CD6: variants seen among roughly 807,000 people sequenced by gnomAD.
CD6 encodes CD6 molecule, also known as T-cell differentiation antigen CD6.
Under a neutral mutation model 75.3 loss-of-function variants are expected in CD6, and 53 were observed. That is an observed-to-expected ratio of 0.70 (90% CI 0.56 to 0.88). The LOEUF (loss-of-function observed/expected upper bound fraction) is 0.88. CD6 is among the 40% of genes least tolerant of loss of function. The probability of loss-of-function intolerance (pLI) is 0.00; values close to 1 mark genes in which losing one functional copy is unlikely to be tolerated. For synonymous variants in CD6, 359 were observed against 381.5 expected, an observed-to-expected ratio of 0.94 and a Z score of 0.69; for missense variants, 770 against 897.1, an observed-to-expected ratio of 0.86 and a Z score of 1.81.
intron 9 of CD6, 74 bp from the exon 10 acceptor site, chr11:61,017,405 T>C (rs1590730427): frequency 8.1e-7 from 1 of 1,229,958 alleles, no homozygotes; most frequent in East Asian, 2.5e-5. Context: ...CCCCGGGAAA[T>C]CCAGCCTCTT....
chr11:61,008,606 A>G lies in CD6; in HGVS notation c.542A>G (p.Glu181Gly). 1 of 1,607,888 alleles carries G rather than the reference A, an allele frequency of 6.2e-7. No homozygotes were observed. The highest frequency in any genetic ancestry group is 8.5e-7 in the Non-Finnish European group (1 of 1,177,662). The change falls in exon 4 of 13, where the codon GAG becomes GGG. Residue 181 changes from glutamate (E) to glycine (G), a missense_variant. Coordinates refer to ENST00000313421, the MANE Select transcript of CD6 (RefSeq NM_006725.5). ...CGCGTGGAGATGCTGGAGCATGGCG[A>G]GTGGGGATCAGTGTGCGATGACACT... ...AGRVEMLEHG[E>G]WGSVCDDTWD...
chr11:61,009,158 G>A (rs1045002093), intron 4 of CD6, among the ~76,000 whole-genome samples: 2 of 152,186 alleles, frequency 1.3e-5, no homozygotes, highest in Non-Finnish European at 2.9e-5. Context: ...CATTCAAGCA[G>A]CAAGGGGAGA....
chr11:60,988,990 C>T (rs1240508243), intron 1 of CD6, among the ~76,000 whole-genome samples: 1 of 152,194 alleles, frequency 6.6e-6, no homozygotes, highest in South Asian at 2.1e-4. Flanking sequence ...CTGGGGAATT[C>T]TATTCTTGAA....
intron 1 of CD6, among the ~76,000 whole-genome samples, chr11:60,972,704 C>T (rs540589011): frequency 6.6e-6 from 1 of 152,144 alleles, no homozygotes; most frequent in Non-Finnish European, 1.5e-5. Flanking sequence ...AAACAGAATT[C>T]GGGCCAGGGG....
At chr11:60,985,174 C>CTTTTTTTTTTT (rs71043735) in intron 1 of CD6, 1 of 59,964 alleles carries the variant, frequency 1.7e-5, no homozygotes, top group Non-Finnish European at 3.3e-5. Flanking sequence ...GCACCCACTC[C>CTTTTTTTTTTT]TTTTTTTTTT....
intron 1 of CD6, among the ~76,000 whole-genome samples, chr11:60,982,943 G>A (rs1857636644): frequency 6.6e-6 from 1 of 151,590 alleles, no homozygotes; most frequent in South Asian, 2.1e-4. Context: ...GAGAGAATGC[G>A]GGGGACTGCT....
intron 1 of CD6, among the ~76,000 whole-genome samples, chr11:61,003,298 C>G (rs1052668765): frequency 6.6e-6 from 1 of 152,102 alleles, no homozygotes; most frequent in Non-Finnish European, 1.5e-5. Context: ...CTTCTCAACA[C>G]AGGTCATTGG....
rs12417503 is a variant in CD6 at position 61,017,991 on chromosome 11, C to G, written c.1815C>G (p.Ala605=). ...FLEQPPNLEL[A]GTQPAFSAGP... is the part of the protein sequence containing the mutation. ...AGCAGCCCCCAAACTTGGAGCTGGC[C>G]GGCACCCAGCCAGCCTTTTCAGGTA... Residue 605 remains alanine (A), a synonymous_variant, in exon 11 of 13, where the codon GCC becomes GCG. Transcript: ENST00000313421. 1 of 1,611,880 alleles carries G rather than the reference C, an allele frequency of 6.2e-7. No homozygotes were observed. The highest frequency in any genetic ancestry group is 1.3e-5 in the African/African-American group (1 of 74,960).
chr11:60,978,688 A>G (rs998889781), intron 1 of CD6, among the ~76,000 whole-genome samples: 2 of 152,190 alleles, frequency 1.3e-5, no homozygotes, highest in African/African-American at 2.4e-5. Flanking sequence ...CTAGACACTT[A>G]GCCCTAGGAA....
chr11:60,983,634 T>G (rs894789411), intron 1 of CD6, among the ~76,000 whole-genome samples: 2 of 144,652 alleles, frequency 1.4e-5, no homozygotes, highest in African/African-American at 2.5e-5. Context: ...TTTGTTGTTG[T>G]TTTTTTTTTT....
At chr11:61,006,722 C>A in intron 2 of CD6, 80 bp downstream of exon 2, 1 of 1,182,226 alleles carries the variant, frequency 8.5e-7, no homozygotes, top group Admixed American at 2.0e-5. Context: ...GGGAAATGGA[C>A]ATTTAGGATA....
chr11:61,013,845 G>C, intron 7 of CD6, 74 bp from the exon 8 acceptor site: 1 of 1,066,988 alleles, frequency 9.4e-7, no homozygotes, highest in Non-Finnish European at 1.4e-6. Context: ...GTGTCGATGA[G>C]AACAGAACGG....
rs1158821732 is a variant in CD6 at position 61,011,136 on chromosome 11, G to GT, written c.1150+2dup. ...GCAAGTGTTCAGACAGTCACTATAG[G>GT]TAAGTGTTGCTGGGTACTACGCGGT... On this transcript the variant is annotated splice_donor_variant, in intron 6 of 12. Coordinates refer to ENST00000313421, the MANE Select transcript of CD6 (RefSeq NM_006725.5). LOFTEE classifies it high-confidence loss of function. The GT allele has an allele frequency of 6.2e-7, 1 of 1,613,266 alleles. No homozygotes were observed. Among genetic ancestry groups the GT allele is most frequent in the Non-Finnish European group, 8.5e-7 (1 of 1,179,614 alleles).
chr11:61,018,501 A>AGGGGAAAAGGAGAAAGGAC, intron 12 of CD6, 108 bp downstream of exon 12: 1 of 872,162 alleles, frequency 1.1e-6, no homozygotes, highest in Non-Finnish European at 1.8e-6. Flanking sequence ...GGAGAAAGGA[A>AGGGGAAAAGGAGAAAGGAC]GGGTAAAAGA....
At chr11:61,012,343 C>T (rs551864736) in intron 6 of CD6, among the ~76,000 whole-genome samples, 23 of 152,160 alleles carry the variant, frequency 1.5e-4, no homozygotes, top group Non-Finnish European at 2.8e-4. Context: ...TCCATCAGCC[C>T]CTCCCTCGGC....
chr11:60,978,568 AT>A (rs930451609), intron 1 of CD6, among the ~76,000 whole-genome samples: 3 of 152,128 alleles, frequency 2.0e-5, no homozygotes, highest in Non-Finnish European at 4.4e-5. Context: ...AACTGGGTAA[AT>A]TGAACACTAA....
intron 6 of CD6, 21 bp downstream of exon 6, chr11:61,011,156 C>T (rs1466566821): frequency 3.0e-5 from 47 of 1,565,144 alleles, no homozygotes; most frequent in Non-Finnish European, 3.8e-5. Context: ...CTGGGTACTA[C>T]GCGGTTTCTC....
At chr11:61,005,088 G>A (rs1319055775) in intron 1 of CD6, among the ~76,000 whole-genome samples, 2 of 152,202 alleles carry the variant, frequency 1.3e-5, no homozygotes, top group East Asian at 1.9e-4. Flanking sequence ...GTTTAAATCC[G>A]GGCTCTGCAG....
intron 1 of CD6, among the ~76,000 whole-genome samples, chr11:60,974,139 G>A (rs1857284923): frequency 6.6e-6 from 1 of 152,162 alleles, no homozygotes; most frequent in African/African-American, 2.4e-5. Flanking sequence ...TGGCAAAGAG[G>A]GAGGAAATGG....
Sources: gnomAD v4.1 joint callset for allele counts (sites outside exome capture counted in the v4.1 genomes callset) on GRCh38, gnomAD v4.1.1 for gene constraint, MANE v1.5 for transcripts, NCBI Gene and HGNC (gene_info 2026-07-23, HGNC 2026-07-21) for gene names.